Variants in CLVS1 observed in about 807,000 individuals in gnomAD.
CLVS1 encodes clavesin 1.
Under a neutral mutation model 33.1 loss-of-function variants are expected in CLVS1, and 10 were observed. The observed-to-expected ratio is 0.30, with a 90% CI of 0.19 to 0.51. CLVS1 has a LOEUF of 0.51. CLVS1 is among the 20% of genes least tolerant of loss of function. CLVS1 has a pLI of 0.97. For synonymous variants in CLVS1, 163 were observed against 166.1 expected, an observed-to-expected ratio of 0.98 and a Z score of 0.14; for missense variants, 343 against 433.4, an observed-to-expected ratio of 0.79 and a Z score of 1.85.
chr8:61,067,800 C>G (rs1240916482), intron 1 of CLVS1, among the ~76,000 whole-genome samples: 1 of 151,734 alleles, frequency 6.6e-6, no homozygotes, highest in African/African-American at 2.4e-5. Context: ...AAGATAGCAG[C>G]AATAAACACT....
In CLVS1 at chr8:61,446,828, GTT is replaced by G. The variant is rs56873060; in HGVS notation, c.631-7300_631-7299del. On this transcript the variant is annotated intron_variant, in intron 3 of 5. Transcript: ENST00000325897. Reference sequence around the variant, plus strand: ...ATGTATTTTAAAATTTCTTTTGAAGGTTTTTTTTTTTTTTGGCCCATCCATGG... The same window carrying G: ...ATGTATTTTAAAATTTCTTTTGAAGGTTTTTTTTTTTTGGCCCATCCATGG... Among the ~76,000 whole-genome samples, 597 of 138,168 alleles carry G rather than the reference GTT, an allele frequency of 4.3e-3. 2 individuals are homozygous for G. Among genetic ancestry groups the G allele is most frequent in the African/African-American group, 0.014 (527 of 38,356 alleles). The allele number at this position is 138,168 out of a possible 152,430, so 90.6% of individuals were successfully genotyped here. A position where few individuals can be genotyped will look rare whatever the true frequency, so the allele number is the denominator to read the frequency against.
At chr8:61,002,831 A>G in the CLVS1 span, among the ~76,000 whole-genome samples, 2 of 152,188 alleles carry the variant, frequency 1.3e-5, no homozygotes, top group Admixed American at 6.5e-5. Flanking sequence ...TTTCCTTGCT[A>G]AAAGGATCAT....
chr8:61,266,901 C>T (rs1809316774), intron 2 of CLVS1, among the ~76,000 whole-genome samples: 1 of 152,176 alleles, frequency 6.6e-6, no homozygotes, highest in Non-Finnish European at 1.5e-5. Context: ...TATTGTAGCT[C>T]TTTTTTGTCA....
intron 2 of CLVS1, among the ~76,000 whole-genome samples, chr8:61,166,018 T>TAA (rs905571406): frequency 7.0e-5 from 9 of 128,626 alleles, no homozygotes; most frequent in African/African-American, 2.5e-4. Flanking sequence ...TTTTTGTGGC[T>TAA]AAGCATCTAA....
chr8:61,199,308 G>C (rs981934536), intron 2 of CLVS1, among the ~76,000 whole-genome samples: 1 of 151,746 alleles, frequency 6.6e-6, no homozygotes, highest in Non-Finnish European at 1.5e-5. Flanking sequence ...TAATCAACAG[G>C]GTAAACAGAC....
At chr8:61,352,983 AAT>A (rs1233303593) in intron 2 of CLVS1, among the ~76,000 whole-genome samples, 16 of 152,000 alleles carry the variant, frequency 1.1e-4, no homozygotes, top group Non-Finnish European at 1.6e-4. Flanking sequence ...TATCCTCAGG[AAT>A]CCTGGAACCA....
At chr8:61,181,697 CT>C (rs369025438) in intron 2 of CLVS1, among the ~76,000 whole-genome samples, 6,739 of 102,924 alleles carry the variant, frequency 0.065, 154 homozygotes, top group East Asian at 0.1. Context: ...ACCATCTGAT[CT>C]TTTTTTTTTT....
At position 61,158,281 on chromosome 8, in the gene CLVS1, C is replaced by T. The variant is rs181560021; in HGVS notation, c.-152+26421C>T. Among the ~76,000 whole-genome samples the T allele has an allele frequency of 1.7e-3, 264 of 152,136 alleles. 2 individuals carry two copies. Among genetic ancestry groups the T allele is most frequent in the Non-Finnish European group, 3.3e-3 (227 of 68,004 alleles). On this transcript the variant is annotated intron_variant, in intron 2 of 2. Coordinates refer to the CLVS1 transcript ENST00000522621. ...CGAAATGGGGCAAAACAATGTTCCA[C>T]GGTGATGAAAATCAGATCAGTGGCT... is the stretch of plus-strand genomic sequence containing the variant.
At chr8:61,285,693 T>A (rs1276357891), upstream of CLVS1, among the ~76,000 whole-genome samples, 1 of 152,134 alleles carries the variant, frequency 6.6e-6, no homozygotes, top group African/African-American at 2.4e-5. Context: ...GAGTGCCTTG[T>A]GTGTGTTGAC....
intron 3 of CLVS1, among the ~76,000 whole-genome samples, chr8:61,393,812 G>A (rs1002775829): frequency 9.2e-5 from 14 of 152,192 alleles, no homozygotes; most frequent in African/African-American, 2.7e-4. Flanking sequence ...GGAGGTGGCA[G>A]GGGAGTGAAG....
At chr8:61,485,347 CTCA>C (rs1333433975) in intron 5 of CLVS1, among the ~76,000 whole-genome samples, 3 of 152,178 alleles carry the variant, frequency 2.0e-5, no homozygotes, top group African/African-American at 7.2e-5. Flanking sequence ...TGAAAAAATG[CTCA>C]TCATCACTGG....
chr8:61,006,898 CT>C, the CLVS1 span, among the ~76,000 whole-genome samples: 1 of 152,174 alleles, frequency 6.6e-6, no homozygotes, highest in African/African-American at 2.4e-5. Context: ...CAAAATATGG[CT>C]TTCAAATATC....
Position 61,061,944 on chromosome 8 carries a change from C to T in CLVS1, c.-243+4714C>T, listed in dbSNP as rs1771855317. Among the ~76,000 whole-genome samples the T allele has an allele frequency of 2.6e-5, 4 of 152,072 alleles. No homozygotes were observed. In the South Asian group the frequency reaches 8.3e-4, roughly 32 times the overall value. ...GTTTTGCCTTCTATTATGTTTATTTCATCCCTGAGTTTTATGGAAACTGGA... is the reference window on the plus strand; with the variant it reads ...GTTTTGCCTTCTATTATGTTTATTTTATCCCTGAGTTTTATGGAAACTGGA... On this transcript the variant is annotated intron_variant, in intron 1 of 2. Coordinates refer to the CLVS1 transcript ENST00000522621.
At chr8:61,235,981 A>T (rs1808548916) in intron 2 of CLVS1, among the ~76,000 whole-genome samples, 1 of 152,146 alleles carries the variant, frequency 6.6e-6, no homozygotes, top group African/African-American at 2.4e-5. Context: ...GACCCATGAA[A>T]TTGGAGGCTG....
intron 2 of CLVS1, among the ~76,000 whole-genome samples, chr8:61,165,152 G>A (rs1585655852): frequency 1.3e-5 from 2 of 152,220 alleles, no homozygotes; most frequent in South Asian, 2.1e-4. Context: ...TAGCCCCATC[G>A]GGAGTGGCAA....
intron 3 of CLVS1, among the ~76,000 whole-genome samples, chr8:61,446,781 A>G (rs1816771256): frequency 6.6e-6 from 1 of 151,662 alleles, no homozygotes; most frequent in African/African-American, 2.4e-5. Context: ...ATAGTGCTTT[A>G]CTTTCATTTT....
At chr8:61,136,896 A>G (rs374786515) in intron 2 of CLVS1, among the ~76,000 whole-genome samples, 7 of 152,202 alleles carry the variant, frequency 4.6e-5, no homozygotes, top group Non-Finnish European at 1.0e-4. Flanking sequence ...TTTTCTGGAA[A>G]TTGTGATGAT....
At chr8:61,452,087 A>T (rs1816984858) in intron 3 of CLVS1, among the ~76,000 whole-genome samples, 1 of 152,226 alleles carries the variant, frequency 6.6e-6, no homozygotes, top group Non-Finnish European at 1.5e-5. Context: ...ATCTGGCAGA[A>T]TCATCAACCA....
chr8:61,276,138 A>G (rs1173257268), intron 2 of CLVS1, among the ~76,000 whole-genome samples: 12 of 152,228 alleles, frequency 7.9e-5, no homozygotes, highest in Admixed American at 7.9e-4. Context: ...GGATTAAGCC[A>G]TTAGCAATCA....
Sources: gnomAD v4.1 joint callset for allele counts (sites outside exome capture counted in the v4.1 genomes callset) on GRCh38, gnomAD v4.1.1 for gene constraint, MANE v1.5 for transcripts, NCBI Gene and HGNC (gene_info 2026-07-23, HGNC 2026-07-21) for gene names.